FGD5: variants seen among roughly 807,000 people sequenced by gnomAD.
FGD5 encodes FYVE, RhoGEF and PH domain-containing protein 5.
A neutral mutation model predicts 133.4 loss-of-function variants in FGD5; 28 were observed. The observed-to-expected ratio is 0.21, with a 90% confidence interval of 0.16 to 0.29. The LOEUF (loss-of-function observed/expected upper bound fraction) is 0.29. Among genes scored for constraint, FGD5 ranks in the 10% least tolerant of loss-of-function variants. FGD5 has a pLI of 1.00. For missense variants in FGD5, 1,858 were observed against 1,895.2 expected (o/e 0.98, Z 0.36); for synonymous variants, 810 against 776.5 (o/e 1.04, Z -0.72).
chr3:14,919,653 A>G lies in FGD5; in HGVS notation c.3569+820A>G, dbSNP rs2038636144. Among the ~76,000 whole-genome samples, 3 of 152,124 alleles carry G rather than the reference A, an allele frequency of 2.0e-5. No individual in the cohort carries two copies. In the South Asian group the frequency reaches 6.2e-4, roughly 32 times the overall value. ...CAAAAACAAAAACAAAAATACCATAAACTGAGTGACTTATAAACAACAGAA... is the reference window on the plus strand; with the variant it reads ...CAAAAACAAAAACAAAAATACCATAGACTGAGTGACTTATAAACAACAGAA... On this transcript the variant is annotated intron_variant, in intron 13 of 19. Transcript: ENST00000285046.
chr3:14,932,369 C>T (rs2038913543), intron 18 of FGD5: 1 of 538,600 alleles, frequency 1.9e-6, no homozygotes, highest in Non-Finnish European at 3.2e-6. Flanking sequence ...AGGCGTGAGC[C>T]ACCACACCCA....
intron 1 of FGD5, 25 bp downstream of exon 1, chr3:14,821,621 T>G: frequency 6.5e-7 from 1 of 1,535,054 alleles, no homozygotes. Flanking sequence ...ATTTCCTTTC[T>G]TGTTCGGCAG....
intron 4 of FGD5, among the ~76,000 whole-genome samples, chr3:14,895,720 C>T (rs2038123261): frequency 6.6e-6 from 1 of 152,116 alleles, no homozygotes. Flanking sequence ...AGGCACCTGC[C>T]ACCCTATCCT....
intron 9 of FGD5, among the ~76,000 whole-genome samples, chr3:14,902,623 G>T (rs2038262993): frequency 6.6e-6 from 1 of 152,114 alleles, no homozygotes; most frequent in Admixed American, 6.5e-5. Flanking sequence ...AATCTTTAAG[G>T]TCCTCTCTTC....
At chr3:14,816,977 G>A (rs1478639795), upstream of FGD5, among the ~76,000 whole-genome samples, 2 of 152,172 alleles carry the variant, frequency 1.3e-5, no homozygotes, top group African/African-American at 4.8e-5. Context: ...AGCTGTGCTG[G>A]ACAGTACCGT....
chr3:14,908,730 C>T (rs903500889), intron 10 of FGD5, among the ~76,000 whole-genome samples: 1 of 151,030 alleles, frequency 6.6e-6, no homozygotes, highest in African/African-American at 2.4e-5. Context: ...ACTAAAAATA[C>T]AAAAAATTAG....
intron 9 of FGD5, among the ~76,000 whole-genome samples, chr3:14,902,923 C>G (rs949689071): frequency 6.6e-6 from 1 of 152,346 alleles, no homozygotes; most frequent in South Asian, 2.1e-4. Flanking sequence ...GCCAGACACC[C>G]TCTTGGCTTT....
In FGD5 at chr3:14,874,227, T is replaced by G. The variant is rs1005076608; in HGVS notation, c.2659-6345T>G. Among the ~76,000 whole-genome samples the G allele has an allele frequency of 1.4e-4, 22 of 152,098 alleles. 1 individual carries two copies. Among genetic ancestry groups the G allele is most frequent in the Non-Finnish European group, 2.9e-5 (2 of 68,024 alleles). Reference sequence around the variant, plus strand: ...CATGAGTGCACTTACATGAGGTGTCTAAAATATAGGGCCAGGCATGGTGGC... The same window carrying G: ...CATGAGTGCACTTACATGAGGTGTCGAAAATATAGGGCCAGGCATGGTGGC... On this transcript the variant is annotated intron_variant, in intron 2 of 19. Transcript: ENST00000285046.
At chr3:14,844,355 T>G (rs2037003701) in intron 1 of FGD5, among the ~76,000 whole-genome samples, 1 of 141,812 alleles carries the variant, frequency 7.1e-6, no homozygotes, top group Non-Finnish European at 1.5e-5. Flanking sequence ...TGTAACAGAC[T>G]CCCCCAGGCA....
chr3:14,838,974 G>A (rs2036867293), intron 1 of FGD5, among the ~76,000 whole-genome samples: 1 of 152,152 alleles, frequency 6.6e-6, no homozygotes, highest in Non-Finnish European at 1.5e-5. Context: ...TGGGGTCTTA[G>A]GAATACACAG....
intron 11 of FGD5, among the ~76,000 whole-genome samples, chr3:14,912,075 T>C (rs1257653016): frequency 2.0e-5 from 3 of 151,928 alleles, no homozygotes; most frequent in Non-Finnish European, 2.9e-5. Context: ...CAAGAAGTCT[T>C]TGTCTGCAGC....
intron 4 of FGD5, among the ~76,000 whole-genome samples, chr3:14,884,716 A>G (rs1223560636): frequency 6.6e-6 from 1 of 152,166 alleles, no homozygotes; most frequent in East Asian, 1.9e-4. Flanking sequence ...TGGAAGACTT[A>G]AAGACCGGGG....
chr3:14,900,973 G>A, intron 8 of FGD5, 30 bp from the exon 9 acceptor site: 1 of 1,613,806 alleles, frequency 6.2e-7, no homozygotes. Context: ...TCTTGCAATG[G>A]CCCAACTCCT....
chr3:14,917,258 G>A lies in FGD5; in HGVS notation c.3415G>A (p.Val1139Met), dbSNP rs1396741586. 2 of 1,613,372 alleles carry A rather than the reference G, an allele frequency of 1.2e-6. No individual in the cohort carries two copies. Among genetic ancestry groups the A allele is most frequent in the Non-Finnish European group, 1.7e-6 (2 of 1,179,702 alleles). Residue 1139 changes from valine (V) to methionine (M), a missense_variant, in exon 12 of 20, where the codon GTG (valine) becomes ATG (methionine). Physicochemically the swap from Val to Met is conservative, Grantham distance 21 (BLOSUM62 1). Transcript: ENST00000285046. The surrounding 1 kb of genome is among the most constrained non-coding windows in gnomAD (Gnocchi z 4.1). The part of the protein sequence containing the change: ...RPRHLFLMND[V>M]LLYTYPQKDG... ...GTTTCCCTCTCTCCAGATGAACGAT[G>A]TGCTCCTGTACACCTATCCCCAGAA...
intron 2 of FGD5, among the ~76,000 whole-genome samples, chr3:14,873,113 G>C (rs1287864473): frequency 6.6e-6 from 1 of 152,176 alleles, no homozygotes; most frequent in Non-Finnish European, 1.5e-5. Context: ...ATTAGTGCTG[G>C]TCAGATGTTG....
rs761487684 is a variant in FGD5, at chr3:14,923,068, G to A, written c.3830G>A (p.Arg1277Gln). The change falls in exon 16 of 20, where the codon CGG becomes CAG. Residue 1277 changes from arginine (R) to glutamine (Q), a missense_variant. This residue lies in a region of FGD5 where 1,824 missense variants were observed against 1,848.9 expected (regional missense o/e 0.99). Coordinates refer to ENST00000285046, the MANE Select transcript of FGD5 (RefSeq NM_152536.4). ...CAGATCGTGTGCCGGAACTGTTCGCGGAACAAGTACCCGCTGAAGTACCTG... is the reference window on the plus strand; with the variant it reads ...CAGATCGTGTGCCGGAACTGTTCGCAGAACAAGTACCCGCTGAAGTACCTG... The part of the protein sequence containing the change: ...CGKIVCRNCS[R>Q]NKYPLKYLKD... 5.1e-5 allele frequency: 83 copies of A among 1,613,742 alleles called. No homozygotes were observed. The highest frequency in any genetic ancestry group is 5.0e-5 in the Admixed American group (3 of 59,992).
At chr3:14,888,200 G>T (rs114686126) in intron 4 of FGD5, among the ~76,000 whole-genome samples, 1 of 149,424 alleles carries the variant, frequency 6.7e-6, no homozygotes, top group East Asian at 1.9e-4. Flanking sequence ...CTCAGATTCC[G>T]CCCTCAGAGA....
chr3:14,905,948 T>G (rs1398497853), intron 9 of FGD5, among the ~76,000 whole-genome samples: 1 of 152,122 alleles, frequency 6.6e-6, no homozygotes, highest in Non-Finnish European at 1.5e-5. Context: ...TGGTCATGGC[T>G]GTTCACGGTA....
At chr3:14,824,601 A>G (rs550270529) in intron 1 of FGD5, among the ~76,000 whole-genome samples, 1 of 152,210 alleles carries the variant, frequency 6.6e-6, no homozygotes, top group Non-Finnish European at 1.5e-5. Context: ...GCTGGGCCGC[A>G]GTTTGCTCAT....
Sources: allele counts gnomAD v4.1 joint callset (sites outside exome capture counted in the v4.1 genomes callset), GRCh38; gene constraint gnomAD v4.1.1; regional missense constraint gnomAD v4.1.1; non-coding constraint Gnocchi (gnomAD v3.1); transcripts MANE v1.5; gene names NCBI Gene and HGNC (gene_info 2026-07-23, HGNC 2026-07-21).